Variants in DNAH8 observed in about 807,000 individuals in gnomAD.
DNAH8 encodes axonemal beta dynein heavy chain 8.
DNAH8 carries 382 observed loss-of-function variants against 562.1 expected under a neutral mutation model. That is an observed-to-expected ratio of 0.68 (90% CI 0.63 to 0.74). The LOEUF (loss-of-function observed/expected upper bound fraction) is 0.74, where lower values mean the gene tolerates loss of function less well. Ranked by LOEUF, DNAH8 falls within the 30% of genes least tolerant of loss-of-function variation. The pLI, the probability that DNAH8 is intolerant of heterozygous loss-of-function variation, is 0.00. For synonymous variants in DNAH8, 1,881 were observed against 1,919.4 expected, an observed-to-expected ratio of 0.98 and a Z score of 0.52; for missense variants, 5,203 against 5,620.4, an observed-to-expected ratio of 0.93 and a Z score of 2.37.
intron 10 of DNAH8, among the ~76,000 whole-genome samples, chr6:38,759,977 A>T (rs1392119677): frequency 6.6e-6 from 1 of 152,176 alleles, no homozygotes. Flanking sequence ...GTCCTGAATA[A>T]AGTCTCTTGC....
At chr6:38,898,657 C>A (rs1472764006) in intron 61 of DNAH8, among the ~76,000 whole-genome samples, 1 of 152,108 alleles carries the variant, frequency 6.6e-6, no homozygotes, top group East Asian at 1.9e-4. Context: ...GTATGGAGAA[C>A]CTTTAGAAAG....
intron 24 of DNAH8, among the ~76,000 whole-genome samples, chr6:38,811,899 T>C (rs1312655546): frequency 6.6e-6 from 1 of 152,108 alleles, no homozygotes; most frequent in Non-Finnish European, 1.5e-5. Context: ...TACTGGCCCC[T>C]GGAGAGATAC....
intron 65 of DNAH8, among the ~76,000 whole-genome samples, chr6:38,911,109 T>C (rs895866248): frequency 6.6e-6 from 1 of 152,228 alleles, no homozygotes; most frequent in African/African-American, 2.4e-5. Context: ...TTATCCCTAA[T>C]ATTTGTCCAG....
chr6:38,923,952 G>C, intron 72 of DNAH8, 39 bp from the exon 73 acceptor site: 1 of 1,608,608 alleles, frequency 6.2e-7, no homozygotes, highest in South Asian at 1.1e-5. Flanking sequence ...AATGTCAGGT[G>C]ACTCACTTTG....
chr6:38,969,079 A>G (rs1353855768), intron 82 of DNAH8, among the ~76,000 whole-genome samples: 2 of 152,184 alleles, frequency 1.3e-5, no homozygotes, highest in African/African-American at 4.8e-5. Flanking sequence ...GAATAGAGAC[A>G]AAGTAGATTG....
intron 20 of DNAH8, among the ~76,000 whole-genome samples, chr6:38,791,279 A>G (rs563630842): frequency 4.4e-4 from 67 of 152,282 alleles, no homozygotes; most frequent in South Asian, 4.1e-4. Flanking sequence ...TAGTTGTAAA[A>G]CTGGGATATC....
rs764720313 is a variant in DNAH8 at position 38,778,437 on chromosome 6, C to T, written c.2012C>T (p.Ser671Phe). ...MNSSFGKILS[S>F]QQALQLLQRF... ...AGTAGTTTTGGGAAAATCTTATCTT[C>T]TCAGCAGGCTCTTCAGCTACTTCAA... Residue 671 changes from serine to phenylalanine, a missense_variant, in exon 14 of 93, where the codon TCT becomes TTT. This residue lies in a region of DNAH8 where 2,176 missense variants were observed against 2,365.1 expected (regional missense o/e 0.92). Coordinates refer to ENST00000327475, the MANE Select transcript of DNAH8 (RefSeq NM_001206927.2). 3 of 1,595,982 alleles carry T rather than the reference C, an allele frequency of 1.9e-6. No homozygotes were observed. The East Asian group carries it at 6.7e-5, about 36-fold the overall frequency.
At chr6:38,871,750 C>T (rs933633507) in intron 49 of DNAH8, among the ~76,000 whole-genome samples, 1 of 152,120 alleles carries the variant, frequency 6.6e-6, no homozygotes, top group African/African-American at 2.4e-5. Flanking sequence ...TGTGTGTTTT[C>T]GCTTCTAATA....
At chr6:38,921,104 C>T (rs538282706) in intron 70 of DNAH8, among the ~76,000 whole-genome samples, 3 of 152,088 alleles carry the variant, frequency 2.0e-5, no homozygotes, top group Non-Finnish European at 4.4e-5. Flanking sequence ...TTTGCCCAGG[C>T]TGGTCTTGAA....
At chr6:39,022,500 G>A (rs898991541) in intron 91 of DNAH8, among the ~76,000 whole-genome samples, 2 of 152,154 alleles carry the variant, frequency 1.3e-5, no homozygotes, top group African/African-American at 4.8e-5. Context: ...CCACCTGCAG[G>A]CAGGAGGCAA....
intron 53 of DNAH8, 79 bp downstream of exon 53, chr6:38,875,907 G>A: frequency 1.2e-6 from 1 of 867,082 alleles, no homozygotes; most frequent in South Asian, 1.6e-5. Flanking sequence ...ACTCTTCTAT[G>A]AGAGAATATT....
intron 57 of DNAH8, among the ~76,000 whole-genome samples, chr6:38,887,365 G>T (rs1175112521): frequency 6.6e-6 from 1 of 152,162 alleles, no homozygotes; most frequent in Non-Finnish European, 1.5e-5. Context: ...ATATGTTAAT[G>T]AAAATGAGAT....
chr6:38,834,698 G>C (rs1339230627), intron 32 of DNAH8, 57 bp downstream of exon 32: 13 of 1,353,888 alleles, frequency 9.6e-6, no homozygotes, highest in Non-Finnish European at 1.4e-5. Context: ...AATTATTTTG[G>C]GGAAAGATGG....
chr6:38,980,858 G>A (rs1224159973), intron 85 of DNAH8, among the ~76,000 whole-genome samples: 2 of 152,068 alleles, frequency 1.3e-5, no homozygotes, highest in Non-Finnish European at 2.9e-5. Flanking sequence ...AGCATACCCT[G>A]AAACTCAGTA....
Position 38,923,150 on chromosome 6 carries a change from C to A in DNAH8, c.10755C>A (p.Thr3585=). The change falls in exon 72 of 93, where the codon ACC becomes ACA. Residue 3585 remains threonine (T), a synonymous_variant. Coordinates refer to ENST00000327475, the MANE Select transcript of DNAH8 (RefSeq NM_001206927.2). The part of the protein sequence containing the change: ...DGLSGEKIRW[T]QQSKEFKAQI... The stretch of plus-strand genomic sequence containing the variant: ...TGAGTGGAGAAAAAATCCGGTGGAC[C>A]CAGCAAAGTAAAGAATTCAAAGCTC... 2 of 1,613,544 alleles carry A rather than the reference C, an allele frequency of 1.2e-6. No individual in the cohort carries two copies. Among genetic ancestry groups the A allele is most frequent in the Non-Finnish European group, 1.7e-6 (2 of 1,179,766 alleles).
chr6:38,911,125 T>C (rs1780860664), intron 65 of DNAH8, among the ~76,000 whole-genome samples: 1 of 152,216 alleles, frequency 6.6e-6, no homozygotes, highest in African/African-American at 2.4e-5. Flanking sequence ...TCCAGAACCT[T>C]AAAGTTTTGC....
chr6:38,922,754 A>T (rs1170235374), intron 71 of DNAH8, among the ~76,000 whole-genome samples: 2 of 152,208 alleles, frequency 1.3e-5, no homozygotes, highest in Non-Finnish European at 2.9e-5. Context: ...AATCTTATTG[A>T]TTTGATTCTG....
At chr6:38,804,441 A>G (rs1200343301) in intron 22 of DNAH8, among the ~76,000 whole-genome samples, 1 of 152,188 alleles carries the variant, frequency 6.6e-6, no homozygotes, top group Non-Finnish European at 1.5e-5. Flanking sequence ...ACTTGTTAGT[A>G]TTGTAAGGGG....
At chr6:38,950,770 T>C (rs1341472101) in intron 81 of DNAH8, among the ~76,000 whole-genome samples, 1 of 151,986 alleles carries the variant, frequency 6.6e-6, no homozygotes, top group Non-Finnish European at 1.5e-5. Context: ...AACAAATGTG[T>C]CTTATTTTTT....
Sources: allele counts gnomAD v4.1 joint callset (sites outside exome capture counted in the v4.1 genomes callset), GRCh38; gene constraint gnomAD v4.1.1; regional missense constraint gnomAD v4.1.1; transcripts MANE v1.5; gene names NCBI Gene and HGNC (gene_info 2026-07-23, HGNC 2026-07-21).